The following SBF2 variants were observed in gnomAD, a reference collection of about 807,000 sequenced individuals.
SBF2 encodes the protein SET binding factor 2.
Under a neutral mutation model 225.2 loss-of-function variants are expected in SBF2, and 112 were observed. The observed-to-expected ratio is 0.50, with a 90% confidence interval of 0.43 to 0.58. SBF2 has a LOEUF of 0.58. Ranked by LOEUF, SBF2 falls within the 20% of genes least tolerant of loss-of-function variation. The pLI, the probability that SBF2 is intolerant of heterozygous loss-of-function variation, is 0.00. For missense variants in SBF2, 1,996 were observed against 2,206.2 expected, an observed-to-expected ratio of 0.90 and a Z score of 1.91; for synonymous variants, 763 against 773.3, an observed-to-expected ratio of 0.99 and a Z score of 0.22.
intron 2 of SBF2, among the ~76,000 whole-genome samples, chr11:10,114,820 T>A (rs1362119921): frequency 1.3e-5 from 2 of 152,250 alleles, no homozygotes; most frequent in Admixed American, 1.3e-4. Flanking sequence ...GTGTTTATTA[T>A]CTTACTTATG....
At chr11:9,997,671 G>A (rs1294841256) in intron 9 of SBF2, among the ~76,000 whole-genome samples, 3 of 152,116 alleles carry the variant, frequency 2.0e-5, no homozygotes. Context: ...CCAGCTACTC[G>A]GGAGGCTGAG....
chr11:9,956,570 T>TA (rs34154767), intron 16 of SBF2: 1 of 148,676 alleles, frequency 6.7e-6, no homozygotes, highest in Non-Finnish European at 1.5e-5. Context: ...CTTAACTCTT[T>TA]TTTTTTTTTT....
At chr11:10,079,660 C>A (rs541099481) in intron 2 of SBF2, among the ~76,000 whole-genome samples, 1 of 152,202 alleles carries the variant, frequency 6.6e-6, no homozygotes, top group East Asian at 1.9e-4. Flanking sequence ...AGTTTGGACA[C>A]CTGATTTGAG....
chr11:10,157,081 T>G (rs1293418644), intron 2 of SBF2, among the ~76,000 whole-genome samples: 2 of 152,006 alleles, frequency 1.3e-5, no homozygotes, highest in African/African-American at 4.8e-5. Context: ...CACGGATCAA[T>G]GGAACAGAAC....
intron 28 of SBF2, among the ~76,000 whole-genome samples, chr11:9,822,512 G>T (rs1430694148): frequency 6.6e-6 from 1 of 151,992 alleles, no homozygotes; most frequent in South Asian, 2.1e-4. Flanking sequence ...CGCCCGCCTC[G>T]GCCTCCCAAA....
In SBF2 at chr11:9,996,846, GCAAA is replaced by G. The variant is rs1420501021; in HGVS notation, c.975+1416_975+1419del. On this transcript the variant is annotated intron_variant, in intron 9 of 39. Transcript: ENST00000256190. ...CAAATCATCACCATGCTTCATTTTG[GCAAA>G]CAATCACCTAGTCATCTCTGTAAAA... 2.6e-5 allele frequency among the ~76,000 whole-genome samples: 4 copies of G among 152,096 alleles called. 1 individual carries two copies. The South Asian group carries it at 8.3e-4, about 32-fold the overall frequency.
chr11:10,033,421 G>A (rs16907405), intron 3 of SBF2, among the ~76,000 whole-genome samples: 7,975 of 151,884 alleles, frequency 0.053, 296 homozygotes, highest in Middle Eastern at 0.16. Flanking sequence ...CTCACCAAAA[G>A]GAATAGTTAT....
chr11:9,885,981 A>G (rs1438723141), intron 17 of SBF2, among the ~76,000 whole-genome samples: 1 of 152,172 alleles, frequency 6.6e-6, no homozygotes, highest in East Asian at 1.9e-4. Flanking sequence ...TCTCAGAATT[A>G]GAAGAGAGGG....
intron 20 of SBF2, among the ~76,000 whole-genome samples, chr11:9,853,210 T>C (rs929537507): frequency 6.6e-6 from 1 of 152,208 alleles, no homozygotes; most frequent in African/African-American, 2.4e-5. Flanking sequence ...GGCAACTTTA[T>C]AGAGACAGAA....
intron 26 of SBF2, among the ~76,000 whole-genome samples, chr11:9,832,997 T>G (rs923788944): frequency 6.6e-6 from 1 of 152,232 alleles, no homozygotes; most frequent in Admixed American, 6.5e-5. Flanking sequence ...GAAATAAAGA[T>G]CGTAAGATTA....
chr11:9,829,446 A>G lies in SBF2; in HGVS notation c.3703T>C (p.Leu1235=). The G allele has an allele frequency of 6.2e-7, 1 of 1,613,626 alleles. No homozygotes were observed. The highest frequency in any genetic ancestry group is 8.5e-7 in the Non-Finnish European group (1 of 1,179,498). Residue 1235 remains leucine, a synonymous_variant, in exon 28 of 40, where the codon TTG becomes CTG. Coordinates refer to ENST00000256190, the MANE Select transcript of SBF2 (RefSeq NM_030962.4). ...GAAACAGCATTCAGTAAGGCTTGCA[A>G]GTATTTCTCTTGTTCTATGCTACTG... ...SSSSIEQEKY[L]QALLNAVSVH...
chr11:9,795,667 C>T (rs544093059), intron 33 of SBF2, among the ~76,000 whole-genome samples, 164 bp downstream of exon 33: 9 of 152,234 alleles, frequency 5.9e-5, no homozygotes, highest in Non-Finnish European at 1.3e-4. Flanking sequence ...TAACGTGGCA[C>T]GTAATTTCAG....
chr11:9,839,416 T>C, intron 26 of SBF2, 82 bp downstream of exon 26: 2 of 1,326,766 alleles, frequency 1.5e-6, no homozygotes, highest in East Asian at 2.3e-5. Flanking sequence ...ATCTCAGGGC[T>C]ATGGATGCAA....
chr11:10,061,216 G>A (rs2134755014), intron 2 of SBF2, among the ~76,000 whole-genome samples: 2 of 152,036 alleles, frequency 1.3e-5, no homozygotes, highest in Middle Eastern at 6.8e-3. Flanking sequence ...AATAATAAGA[G>A]CCATCTATGA....
intron 1 of SBF2, among the ~76,000 whole-genome samples, chr11:10,220,824 C>T (rs1958312491): frequency 6.6e-6 from 1 of 152,146 alleles, no homozygotes; most frequent in African/African-American, 2.4e-5. Context: ...GCAATTCTTC[C>T]AACCTGTCAT....
At position 9,994,577 on chromosome 11, in the gene SBF2, C is replaced by CATATATATATATATAT. The variant is rs377348270; in HGVS notation, c.976-595_976-580dup. ...AATAAACCCTAAATCTATATATGTA[C>CATATATATATATATAT]ATATATATATATATATGAAAATGAA... On this transcript the variant is annotated intron_variant, in intron 9 of 39. Coordinates refer to ENST00000256190, the MANE Select transcript of SBF2 (RefSeq NM_030962.4). 2.1e-3 allele frequency among the ~76,000 whole-genome samples: 288 copies of CATATATATATATATAT among 134,086 alleles called. 4 individuals are homozygous for CATATATATATATATAT. The highest frequency in any genetic ancestry group is 0.014 in the South Asian group (64 of 4,434). The allele number at this position is 134,086 out of a possible 152,430, so 88.0% of individuals were successfully genotyped here. A position where few individuals can be genotyped will look rare whatever the true frequency, so the allele number is the denominator to read the frequency against.
chr11:9,953,891 T>C (rs183263701), intron 16 of SBF2, among the ~76,000 whole-genome samples: 25 of 152,288 alleles, frequency 1.6e-4, no homozygotes, highest in African/African-American at 6.0e-4. Flanking sequence ...ATGCTGGACA[T>C]AGAAGACTTC....
intron 1 of SBF2, among the ~76,000 whole-genome samples, chr11:10,198,066 T>A (rs989619272): frequency 1.3e-5 from 2 of 152,200 alleles, no homozygotes; most frequent in Non-Finnish European, 2.9e-5. Context: ...TAGGTTCATA[T>A]TTTTACCTCC....
At chr11:9,785,834 AGAGT>A (rs1852335542) in intron 36 of SBF2, among the ~76,000 whole-genome samples, 1 of 151,658 alleles carries the variant, frequency 6.6e-6, no homozygotes, top group South Asian at 2.1e-4. Flanking sequence ...CCTAGGTGAC[AGAGT>A]GAGACACTAT....
Sources: gnomAD v4.1 joint callset for allele counts (sites outside exome capture counted in the v4.1 genomes callset) on GRCh38, gnomAD v4.1.1 for gene constraint, MANE v1.5 for transcripts, NCBI Gene and HGNC (gene_info 2026-07-23, HGNC 2026-07-21) for gene names.